The following ANXA2 variants were observed in gnomAD, a reference collection of about 807,000 sequenced individuals.
ANXA2 encodes the protein annexin A2.
Under a neutral mutation model 47.3 loss-of-function variants are expected in ANXA2, and 28 were observed. That is an observed-to-expected ratio of 0.59 (90% CI 0.44 to 0.81). The LOEUF (loss-of-function observed/expected upper bound fraction) is 0.81. Ranked by LOEUF, ANXA2 falls within the 40% of genes least tolerant of loss-of-function variation. The pLI is 0.00. For missense variants in ANXA2, 384 were observed against 414.3 expected, an observed-to-expected ratio of 0.93 and a Z score of 0.64; for synonymous variants, 172 against 155.5, an observed-to-expected ratio of 1.11 and a Z score of -0.79.
At chr15:60,371,573 GAC>G (rs200339157) in intron 3 of ANXA2, among the ~76,000 whole-genome samples, 2,156 of 152,268 alleles carry the variant, frequency 0.014, 24 homozygotes, top group Middle Eastern at 0.034. Context: ...CATCTGCCGA[GAC>G]ACACTGACTG....
At chr15:60,382,471 G>T (rs755748356) in intron 2 of ANXA2, 30 bp from the exon 3 acceptor site, 2 of 1,467,946 alleles carry the variant, frequency 1.4e-6, no homozygotes, top group Non-Finnish European at 1.9e-6. Context: ...ATACTCAAAT[G>T]ACACACATTT....
intron 1 of ANXA2, among the ~76,000 whole-genome samples, chr15:60,397,097 AC>A (rs2063090076): frequency 6.6e-6 from 1 of 152,040 alleles, no homozygotes. Context: ...GGCTGATGGA[AC>A]CCAAGCCCTC....
chr15:60,378,437 T>C (rs1404338577), intron 3 of ANXA2, among the ~76,000 whole-genome samples: 1 of 152,222 alleles, frequency 6.6e-6, no homozygotes, highest in Non-Finnish European at 1.5e-5. Context: ...CTTATTTACT[T>C]AATGATTATA....
intron 1 of ANXA2, chr15:60,390,454 C>A: frequency 2.0e-6 from 1 of 511,760 alleles, no homozygotes; most frequent in Admixed American, 2.0e-5. Flanking sequence ...AATACCAGGA[C>A]TCCCTGTATG....
chr15:60,368,347 T>TAAAATAAAAAG lies in ANXA2; in HGVS notation c.149-3825_149-3824insCTTTTTATTTT, dbSNP rs1566939519. On this transcript the variant is annotated intron_variant, in intron 3 of 12. Transcript: ENST00000451270. Reference sequence around the variant, plus strand: ...AAAATAAAATAAAATAAAATAAAAATAAATCCAATTGCTGGATATGAGATT... The same window carrying TAAAATAAAAAG: ...AAAATAAAATAAAATAAAATAAAAATAAAATAAAAAGAAATCCAATTGCTGGATATGAGATT... Among the ~76,000 whole-genome samples, 14 of 149,368 alleles carry TAAAATAAAAAG rather than the reference T, an allele frequency of 9.4e-5. No individual in the cohort carries two copies. The South Asian group carries it at 1.1e-3, about 11-fold the overall frequency.
Position 60,352,231 on chromosome 15 carries a change from G to T in ANXA2, c.682+152C>A. The T allele has an allele frequency of 1.7e-6, 1 of 580,462 alleles. No homozygotes were observed. The highest frequency in any genetic ancestry group is 3.1e-6 in the Non-Finnish European group (1 of 324,796). The allele number at this position is 580,462 out of a possible 1,614,324, so 36.0% of individuals were successfully genotyped here. A position where few individuals can be genotyped will look rare whatever the true frequency, so the allele number is the denominator to read the frequency against. On this transcript the variant is annotated intron_variant, in intron 9 of 12. Coordinates refer to ENST00000451270, the MANE Select transcript of ANXA2 (RefSeq NM_004039.3). This position sits in a 1 kb window ranked among gnomAD's most constrained non-coding sequence, Gnocchi z 4.2. ...TTGCAAGAGAAAAGAATCCAGAATGGGAGAGAAAGGTGAGGGAAAATGGGT... is the reference window on the plus strand; with the variant it reads ...TTGCAAGAGAAAAGAATCCAGAATGTGAGAGAAAGGTGAGGGAAAATGGGT...
At chr15:60,359,152 T>C (rs1405581856) in intron 5 of ANXA2, among the ~76,000 whole-genome samples, 1 of 152,192 alleles carries the variant, frequency 6.6e-6, no homozygotes, top group African/African-American at 2.4e-5. Flanking sequence ...TCAACTGTGA[T>C]AGCTAATGGA....
chr15:60,351,353 T>A, intron 10 of ANXA2, 102 bp from the exon 11 acceptor site: 1 of 1,189,324 alleles, frequency 8.4e-7, no homozygotes, highest in Admixed American at 1.8e-5. Flanking sequence ...AGAAGTGACC[T>A]AATGCAATGG....
intron 3 of ANXA2, among the ~76,000 whole-genome samples, chr15:60,365,093 T>C (rs946193244): frequency 8.1e-5 from 11 of 135,146 alleles, no homozygotes; most frequent in Non-Finnish European, 1.1e-4. Flanking sequence ...ATCACACTTA[T>C]TGAAGACAAA....
At chr15:60,382,301 C>A (rs754655841) in intron 3 of ANXA2, 41 bp downstream of exon 3, 4 of 1,503,346 alleles carry the variant, frequency 2.7e-6, no homozygotes, top group Non-Finnish European at 3.7e-6. Context: ...AAAAATGTCT[C>A]AGTAAGACCC....
chr15:60,353,484 G>A (rs1336568319), intron 8 of ANXA2, among the ~76,000 whole-genome samples: 1 of 152,182 alleles, frequency 6.6e-6, no homozygotes, highest in Non-Finnish European at 1.5e-5. Context: ...TACAAGCAAA[G>A]CCTGAGTGAG....
At chr15:60,364,621 A>C in intron 3 of ANXA2, 98 bp from the exon 4 acceptor site, 5 of 862,934 alleles carry the variant, frequency 5.8e-6, no homozygotes, top group Non-Finnish European at 7.1e-6. Flanking sequence ...TGAAATTTAT[A>C]TACTGTTTTC....
At chr15:60,369,566 T>C (rs567618802) in intron 3 of ANXA2, among the ~76,000 whole-genome samples, 1 of 152,334 alleles carries the variant, frequency 6.6e-6, no homozygotes, top group African/African-American at 2.4e-5. Flanking sequence ...AAAGTCTGTG[T>C]TTGGGTCAGA....
At chr15:60,396,056 C>T (rs1343731680) in intron 1 of ANXA2, 1 of 152,230 alleles carries the variant, frequency 6.6e-6, no homozygotes, top group Non-Finnish European at 1.5e-5. Context: ...TGCTGCTTTA[C>T]ATTCTATAAA....
rs114586892 is a variant in ANXA2, at chr15:60,389,968, C to T, written c.-11-3882G>A. 8.9e-3 allele frequency among the ~76,000 whole-genome samples: 1,357 copies of T among 152,264 alleles called. 20 individuals carry two copies. The highest frequency in any genetic ancestry group is 0.031 in the African/African-American group (1,304 of 41,532). ...AATGTTTTAAGTGCCCTACACGTGC[C>T]AAGTATTCAAATGGTGAATGCATAG... On this transcript the variant is annotated intron_variant, in intron 1 of 12. Transcript: ENST00000451270.
At chr15:60,349,684 C>G (rs1895898730) in intron 11 of ANXA2, among the ~76,000 whole-genome samples, 2 of 146,970 alleles carry the variant, frequency 1.4e-5, no homozygotes, top group African/African-American at 5.1e-5. Flanking sequence ...ACTTGTTTCC[C>G]AAAAACCTAT....
chr15:60,360,903 A>T (rs762589495), intron 5 of ANXA2, 38 bp downstream of exon 5: 2 of 1,287,968 alleles, frequency 1.6e-6, no homozygotes, highest in South Asian at 2.5e-5. Flanking sequence ...CAAAATTAAT[A>T]GCAGATTTGA....
chr15:60,381,123 T>C (rs1461673129), intron 3 of ANXA2, among the ~76,000 whole-genome samples: 3 of 152,036 alleles, frequency 2.0e-5, no homozygotes, highest in African/African-American at 4.8e-5. Context: ...TATTAGTAAA[T>C]ACGCAGGCAT....
chr15:60,382,232 T>C (rs12915675), intron 3 of ANXA2, 110 bp downstream of exon 3: 55,688 of 764,916 alleles, frequency 0.073, 2,557 homozygotes, highest in Middle Eastern at 0.094. Context: ...CCATTAAAGC[T>C]CGATGACAAT....
Sources: gnomAD v4.1 joint callset for allele counts (sites outside exome capture counted in the v4.1 genomes callset) on GRCh38, gnomAD v4.1.1 for gene constraint, Gnocchi (gnomAD v3.1) non-coding constraint, MANE v1.5 for transcripts, NCBI Gene and HGNC (gene_info 2026-07-23, HGNC 2026-07-21) for gene names.